Variants in PCDHGA2 observed in about 807,000 individuals in gnomAD.
PCDHGA2 encodes the protein protocadherin gamma-A2.
In PCDHGA2, 40 loss-of-function variants were observed where a neutral mutation model predicts 59.2. That is an observed-to-expected ratio of 0.68 (90% CI 0.52 to 0.88). The LOEUF (loss-of-function observed/expected upper bound fraction) is 0.88, where lower values mean the gene tolerates loss of function less well. PCDHGA2 is among the 40% of genes least tolerant of loss of function. The pLI is 0.00. For synonymous variants in PCDHGA2, 560 were observed against 526.0 expected, an observed-to-expected ratio of 1.06 and a Z score of -0.89; for missense variants, 1,226 against 1,204.0, an observed-to-expected ratio of 1.02 and a Z score of -0.27.
intron 1 of PCDHGA2, chr5:141,420,411 T>C: frequency 8.1e-7 from 1 of 1,229,398 alleles, no homozygotes; most frequent in Non-Finnish European, 1.1e-6. Context: ...ATGGTTATCA[T>C]TATTAAAACA....
At chr5:141,365,827 G>T (rs746773273) in intron 1 of PCDHGA2, 5 of 1,613,872 alleles carry the variant, frequency 3.1e-6, no homozygotes, top group Admixed American at 1.7e-5. Flanking sequence ...TTCAGGGGGC[G>T]CCCTTGTCCT....
At chr5:141,374,332 C>T (rs759827582) in intron 1 of PCDHGA2, 3 of 1,613,984 alleles carry the variant, frequency 1.9e-6, no homozygotes, top group South Asian at 2.2e-5. Context: ...GAAACGGCAG[C>T]TTGGTCACCG....
At chr5:141,397,810 A>G (rs2093570260) in intron 1 of PCDHGA2, among the ~76,000 whole-genome samples, 1 of 152,218 alleles carries the variant, frequency 6.6e-6, no homozygotes. Context: ...TAGGCACACA[A>G]AAACAATTAC....
chr5:141,477,158 A>G lies in PCDHGA2; in HGVS notation c.2425-17649A>G, dbSNP rs1476516538. 1.2e-6 allele frequency: 2 copies of G among 1,614,154 alleles called. No individual in the cohort carries two copies. Among genetic ancestry groups the G allele is most frequent in the Non-Finnish European group, 1.7e-6 (2 of 1,180,018 alleles). ...GGTGGAGGTTGTGGATGTGAATGACAACGCCCCGGAGATCACAGTCACCTC... is the reference window on the plus strand; with the variant it reads ...GGTGGAGGTTGTGGATGTGAATGACGACGCCCCGGAGATCACAGTCACCTC... On this transcript the variant is annotated intron_variant, in intron 1 of 3. Coordinates refer to ENST00000394576, the MANE Select transcript of PCDHGA2 (RefSeq NM_018915.4). This position sits in a 1 kb window ranked among gnomAD's most constrained non-coding sequence, Gnocchi z 4.9.
chr5:141,370,898 GC>G (rs752324204), intron 1 of PCDHGA2: 10 of 1,614,062 alleles, frequency 6.2e-6, no homozygotes, highest in Non-Finnish European at 8.5e-6. Context: ...ATTCGCTGCA[GC>G]AGTACTACCT....
intron 1 of PCDHGA2, chr5:141,375,488 G>C (rs948208439): frequency 6.2e-7 from 1 of 1,613,976 alleles, no homozygotes; most frequent in Non-Finnish European, 8.5e-7. Context: ...CCCCAGGGGT[G>C]CCTCCATCTT....
Position 141,476,556 on chromosome 5 carries a change from C to A in PCDHGA2, c.2425-18251C>A. 1 of 1,614,234 alleles carries A rather than the reference C, an allele frequency of 6.2e-7. No homozygotes were observed. Among genetic ancestry groups the A allele is most frequent in the Non-Finnish European group, 8.5e-7 (1 of 1,180,036 alleles). ...GAAATGAAATTGGAGATTAGCGAGG[C>A]CGTGGCTCCGGGGACGCGCTTTCCG... On this transcript the variant is annotated intron_variant, in intron 1 of 3. Coordinates refer to ENST00000394576, the MANE Select transcript of PCDHGA2 (RefSeq NM_018915.4). The surrounding 1 kb of genome is among the most constrained non-coding windows in gnomAD (Gnocchi z 7.6).
chr5:141,501,971 G>A (rs2099812098), intron 2 of PCDHGA2, among the ~76,000 whole-genome samples: 1 of 151,956 alleles, frequency 6.6e-6, no homozygotes. Context: ...CCTAACCTCT[G>A]GCATCTGGTC....
intron 1 of PCDHGA2, chr5:141,422,865 C>G: frequency 1.2e-6 from 2 of 1,614,244 alleles, no homozygotes; most frequent in Non-Finnish European, 1.7e-6. Context: ...TCAGCAGCAA[C>G]GTGTCGCTGA....
At chr5:141,508,806 C>T (rs1243735850) in intron 3 of PCDHGA2, among the ~76,000 whole-genome samples, 1 of 152,066 alleles carries the variant, frequency 6.6e-6, no homozygotes, top group African/African-American at 2.4e-5. Flanking sequence ...AATCCTGGCT[C>T]TTTGAAGCCA....
At chr5:141,421,762 T>G (rs1272315856) in intron 1 of PCDHGA2, 2 of 1,613,884 alleles carry the variant, frequency 1.2e-6, no homozygotes, top group Non-Finnish European at 8.5e-7. Context: ...TAATAATTAC[T>G]TTTCCTTGCA....
At chr5:141,368,053 G>T (rs903322143) in intron 1 of PCDHGA2, among the ~76,000 whole-genome samples, 8 of 152,166 alleles carry the variant, frequency 5.3e-5, no homozygotes, top group Non-Finnish European at 1.2e-4. Flanking sequence ...TGTAATGAAA[G>T]AACTACTATA....
chr5:141,487,818 G>T lies in PCDHGA2; in HGVS notation c.2425-6989G>T, dbSNP rs1009237001. The T allele has an allele frequency of 1.2e-5, 16 of 1,331,602 alleles. No homozygotes were observed. Among genetic ancestry groups the T allele is most frequent in the Non-Finnish European group, 1.4e-5 (14 of 970,528 alleles). The allele number at this position is 1,331,602 out of a possible 1,614,324, so 82.5% of individuals were successfully genotyped here. On this transcript the variant is annotated intron_variant, in intron 1 of 3. Transcript: ENST00000394576. This position sits in a 1 kb window ranked among gnomAD's most constrained non-coding sequence, Gnocchi z 5.0. Reference sequence around the variant, plus strand: ...GAGTTGTCACAGTTTAGCATTGGGGGCGGGTCATGCCTATATCTGAGTAAG... The same window carrying T: ...GAGTTGTCACAGTTTAGCATTGGGGTCGGGTCATGCCTATATCTGAGTAAG...
intron 1 of PCDHGA2, chr5:141,479,722 T>C (rs2099504690): frequency 6.6e-6 from 1 of 152,240 alleles, no homozygotes; most frequent in African/African-American, 2.4e-5. Context: ...CCAGCCTTAT[T>C]TTTCTTAAGT....
Position 141,476,642 on chromosome 5 carries a change from C to G in PCDHGA2, c.2425-18165C>G. 6.2e-7 allele frequency: 1 copy of G among 1,614,240 alleles called. No homozygotes were observed. The highest frequency in any genetic ancestry group is 8.5e-7 in the Non-Finnish European group (1 of 1,180,050). ...CTCTTTACAAACCTATGAGCTGAGC[C>G]GAAATGAATACTTTGCGCTTCGCGT... On this transcript the variant is annotated intron_variant, in intron 1 of 3. Transcript: ENST00000394576. This position sits in a 1 kb window ranked among gnomAD's most constrained non-coding sequence, Gnocchi z 7.6.
At chr5:141,381,657 C>A (rs1224064730) in intron 1 of PCDHGA2, among the ~76,000 whole-genome samples, 1 of 152,134 alleles carries the variant, frequency 6.6e-6, no homozygotes, top group Non-Finnish European at 1.5e-5. Context: ...AAATGGGTTG[C>A]TTCTATAGCT....
chr5:141,460,498 T>C (rs1028506755), intron 1 of PCDHGA2, among the ~76,000 whole-genome samples: 3 of 152,184 alleles, frequency 2.0e-5, no homozygotes, highest in African/African-American at 7.2e-5. Context: ...TGGAAAAATA[T>C]GCTGAGAAGG....
intron 1 of PCDHGA2, among the ~76,000 whole-genome samples, chr5:141,382,340 T>G (rs535677710): frequency 3.4e-4 from 52 of 152,358 alleles, no homozygotes; most frequent in Middle Eastern, 3.4e-3. Context: ...AAGTAAAATC[T>G]TTCATATGTA....
chr5:141,359,246 A>G (rs1007985499), intron 1 of PCDHGA2, among the ~76,000 whole-genome samples: 1 of 152,156 alleles, frequency 6.6e-6, no homozygotes, highest in Non-Finnish European at 1.5e-5. Flanking sequence ...TAAAGTAATT[A>G]AGCCATAAAA....
Sources: gnomAD v4.1 joint callset for allele counts (sites outside exome capture counted in the v4.1 genomes callset) on GRCh38, gnomAD v4.1.1 for gene constraint, Gnocchi (gnomAD v3.1) non-coding constraint, MANE v1.5 for transcripts, NCBI Gene and HGNC (gene_info 2026-07-23, HGNC 2026-07-21) for gene names.